The following COL26A1 variants were observed in gnomAD, a reference collection of about 807,000 sequenced individuals.
The protein encoded by COL26A1 is collagen type XXVI alpha 1 chain.
COL26A1 carries 41 observed loss-of-function variants against 59.3 expected under a neutral mutation model. That is an observed-to-expected ratio of 0.69 (90% confidence interval 0.54 to 0.90). The LOEUF (loss-of-function observed/expected upper bound fraction) is 0.90, where lower values mean the gene tolerates loss of function less well. Among genes scored for constraint, COL26A1 ranks in the 40% least tolerant of loss-of-function variants. The pLI is 0.00. For missense variants in COL26A1, 612 were observed against 602.3 expected (o/e 1.02, Z -0.17); for synonymous variants, 266 against 256.0 (o/e 1.04, Z -0.37).
chr7:101,507,152 T>G (rs968076979), intron 3 of COL26A1, among the ~76,000 whole-genome samples: 1 of 152,160 alleles, frequency 6.6e-6, no homozygotes, highest in African/African-American at 2.4e-5. Flanking sequence ...TGGCCTCAAG[T>G]GATCCGCCTG....
At chr7:101,384,976 G>C (rs943339367) in intron 1 of COL26A1, among the ~76,000 whole-genome samples, 1 of 152,076 alleles carries the variant, frequency 6.6e-6, no homozygotes, top group African/African-American at 2.4e-5. Flanking sequence ...AGGGCAGGAA[G>C]CTTCCAGCAC....
intron 2 of COL26A1, among the ~76,000 whole-genome samples, chr7:101,434,106 T>G: frequency 8.3e-6 from 1 of 120,462 alleles, no homozygotes; most frequent in South Asian, 3.3e-4. Flanking sequence ...CTTTCTGCTT[T>G]CTTTCTTTTT....
At chr7:101,539,840 T>G in intron 4 of COL26A1, 53 bp from the exon 5 acceptor site, 1 of 1,559,722 alleles carries the variant, frequency 6.4e-7, no homozygotes, top group Non-Finnish European at 8.7e-7. Flanking sequence ...GTCACGCATG[T>G]CCCTATGTGT....
intron 1 of COL26A1, among the ~76,000 whole-genome samples, chr7:101,366,474 ATTTTTTTTTTTTTT>A (rs869149636): frequency 3.1e-4 from 24 of 76,268 alleles, no homozygotes; most frequent in East Asian, 1.1e-3. Flanking sequence ...TTAACGTCTG[ATTTTTTTTTTTTTT>A]TTTTTTTTTT....
intron 6 of COL26A1, 111 bp downstream of exon 6, chr7:101,544,207 G>A: frequency 1.4e-6 from 1 of 732,658 alleles, no homozygotes; most frequent in Non-Finnish European, 2.2e-6. Context: ...TGATCTTGCT[G>A]GGTACCAGAA....
At chr7:101,503,444 C>T (rs902899657) in intron 3 of COL26A1, among the ~76,000 whole-genome samples, 11 of 152,114 alleles carry the variant, frequency 7.2e-5, no homozygotes, top group African/African-American at 2.7e-4. Flanking sequence ...TTCAGTGGTG[C>T]GATCATCACT....
At chr7:101,458,743 A>G (rs1454701930) in intron 3 of COL26A1, among the ~76,000 whole-genome samples, 1 of 151,954 alleles carries the variant, frequency 6.6e-6, no homozygotes. Flanking sequence ...CGCAGAGGAA[A>G]TAAGAGATTT....
At chr7:101,517,687 T>G (rs1563023171) in intron 3 of COL26A1, among the ~76,000 whole-genome samples, 1 of 151,732 alleles carries the variant, frequency 6.6e-6, no homozygotes, top group Non-Finnish European at 1.5e-5. Context: ...CATTTCACCA[T>G]CTCTTGCCCA....
At chr7:101,391,713 C>A (rs761578883) in intron 1 of COL26A1, among the ~76,000 whole-genome samples, 2 of 152,066 alleles carry the variant, frequency 1.3e-5, no homozygotes, top group Non-Finnish European at 2.9e-5. Flanking sequence ...TGCCACCACG[C>A]CCGGCTAATT....
intron 2 of COL26A1, among the ~76,000 whole-genome samples, chr7:101,422,509 T>C (rs965903690): frequency 6.6e-6 from 1 of 152,136 alleles, no homozygotes; most frequent in Non-Finnish European, 1.5e-5. Flanking sequence ...GAGTTTCAGA[T>C]TACCAGGTCA....
At chr7:101,549,568 G>A (rs1272637814) in intron 9 of COL26A1, among the ~76,000 whole-genome samples, 1 of 152,058 alleles carries the variant, frequency 6.6e-6, no homozygotes, top group African/African-American at 2.4e-5. Flanking sequence ...TTTAGTAAGA[G>A]ATGGGATTTC....
At chr7:101,506,713 GA>G (rs559250564) in intron 3 of COL26A1, among the ~76,000 whole-genome samples, 252 of 152,338 alleles carry the variant, frequency 1.7e-3, no homozygotes, top group Non-Finnish European at 2.9e-3. Flanking sequence ...GGTCCCTAAG[GA>G]GAGTGCATTT....
intron 1 of COL26A1, among the ~76,000 whole-genome samples, chr7:101,404,617 C>G (rs962947092): frequency 6.6e-6 from 1 of 152,180 alleles, no homozygotes; most frequent in Non-Finnish European, 1.5e-5. Flanking sequence ...ATAAATAGGC[C>G]AGGCACAGTG....
intron 3 of COL26A1, among the ~76,000 whole-genome samples, chr7:101,488,236 G>A (rs1183684218): frequency 6.7e-6 from 1 of 149,534 alleles, no homozygotes; most frequent in African/African-American, 2.5e-5. Context: ...AGCTAAGATC[G>A]CGCCACTACA....
At chr7:101,508,496 A>G (rs28377076) in intron 3 of COL26A1, among the ~76,000 whole-genome samples, 39,991 of 147,498 alleles carry the variant, frequency 0.27, 7,995 homozygotes, top group African/African-American at 0.58. Flanking sequence ...TCCAGACTGA[A>G]CAACAGAGAT....
chr7:101,362,882 A>C lies in COL26A1; in HGVS notation c.-151A>C, dbSNP rs923416934. 3.0e-5 allele frequency: 22 copies of C among 733,964 alleles called. No homozygotes were observed. Among genetic ancestry groups the C allele is most frequent in the African/African-American group, 2.8e-4 (15 of 52,818 alleles). The allele number at this position is 733,964 out of a possible 1,614,324, so 45.5% of individuals were successfully genotyped here. A position where few individuals can be genotyped will look rare whatever the true frequency, so the allele number is the denominator to read the frequency against. ...CCCCGGAGAGGCGTGGGCGCCCCCC[A>C]CACATTTCCAGCTCGCACCCGGGCT... On this transcript the variant is annotated 5_prime_UTR_variant, in exon 1 of 13. Transcript: ENST00000313669.
chr7:101,383,037 G>C (rs1791483784), intron 1 of COL26A1, among the ~76,000 whole-genome samples: 1 of 150,574 alleles, frequency 6.6e-6, no homozygotes, highest in South Asian at 2.1e-4. Flanking sequence ...GCAAGATCCT[G>C]TCTCAAAAAA....
chr7:101,461,996 C>CT (rs531100830), intron 3 of COL26A1, among the ~76,000 whole-genome samples: 3,772 of 117,878 alleles, frequency 0.032, 123 homozygotes, highest in South Asian at 0.05. Context: ...CCACGGAGCA[C>CT]TTTTTTTTTT....
chr7:101,454,510 C>T (rs952541981), intron 3 of COL26A1, among the ~76,000 whole-genome samples: 6 of 152,070 alleles, frequency 3.9e-5, no homozygotes, highest in African/African-American at 7.2e-5. Context: ...CCACCCACCT[C>T]GGCCTCCCAA....
Sources: gnomAD v4.1 joint callset for allele counts (sites outside exome capture counted in the v4.1 genomes callset) on GRCh38, gnomAD v4.1.1 for gene constraint, MANE v1.5 for transcripts, NCBI Gene and HGNC (gene_info 2026-07-23, HGNC 2026-07-21) for gene names.